The following MAF variants were observed in gnomAD, a reference collection of about 807,000 sequenced individuals.
The protein encoded by MAF is transcription factor Maf.
A neutral mutation model predicts 22.0 loss-of-function variants in MAF; 10 were observed. That is an observed-to-expected ratio of 0.45 (90% confidence interval 0.28 to 0.77). MAF has a LOEUF of 0.77. MAF is among the 30% of genes least tolerant of loss of function. The pLI, the probability that MAF is intolerant of heterozygous loss-of-function variation, is 0.12. For synonymous variants in MAF, 337 were observed against 255.8 expected, an observed-to-expected ratio of 1.32 and a Z score of -3.03; for missense variants, 544 against 548.4, an observed-to-expected ratio of 0.99 and a Z score of 0.08.
chr16:79,487,511 G>A, the MAF span, among the ~76,000 whole-genome samples: 1,541 of 152,084 alleles, frequency 0.01, 19 homozygotes, highest in African/African-American at 0.032. Context: ...TTGAAAGAAG[G>A]CATTTTTTCT....
the MAF span, chr16:79,206,085 C>G: frequency 1.3e-5 from 2 of 152,074 alleles, no homozygotes; most frequent in Non-Finnish European, 2.9e-5. Flanking sequence ...TTTGTTCATC[C>G]AAATGGATAT....
chr16:79,545,259 C>G, the MAF span, among the ~76,000 whole-genome samples: 2 of 152,136 alleles, frequency 1.3e-5, no homozygotes, highest in Admixed American at 1.3e-4. Context: ...ACCTCAACTT[C>G]CCGCAAATCA....
At chr16:79,447,891 C>CAAAAAAAAAAAAAAAAAAAAAAAAAA in the MAF span, among the ~76,000 whole-genome samples, 10 of 72,588 alleles carry the variant, frequency 1.4e-4, no homozygotes, top group African/African-American at 7.6e-4. Flanking sequence ...GATTCCATCT[C>CAAAAAAAAAAAAAAAAAAAAAAAAAA]AAAAAAAAAA....
chr16:79,529,961 C>CAAAAAA, the MAF span, among the ~76,000 whole-genome samples: 1 of 145,164 alleles, frequency 6.9e-6, no homozygotes. Context: ...AACTCCATCT[C>CAAAAAA]AAAAAAAAAA....
At chr16:79,497,359 C>T in the MAF span, among the ~76,000 whole-genome samples, 1 of 152,150 alleles carries the variant, frequency 6.6e-6, no homozygotes, top group African/African-American at 2.4e-5. Flanking sequence ...CCATGTATGC[C>T]CCTCAACTCT....
the MAF span, among the ~76,000 whole-genome samples, chr16:79,395,584 C>T: frequency 6.6e-6 from 1 of 152,064 alleles, no homozygotes; most frequent in South Asian, 2.1e-4. Flanking sequence ...GAGGTTGGAG[C>T]ATCGCATCTG....
chr16:79,433,816 T>A, the MAF span, among the ~76,000 whole-genome samples: 1 of 152,168 alleles, frequency 6.6e-6, no homozygotes, highest in African/African-American at 2.4e-5. Context: ...CTACGTTTGA[T>A]TAAAAATCCA....
the MAF span, among the ~76,000 whole-genome samples, chr16:79,437,546 C>G: frequency 6.6e-6 from 1 of 152,242 alleles, no homozygotes; most frequent in East Asian, 1.9e-4. Context: ...GTACCCAGAG[C>G]CAGCCACTGC....
the MAF span, among the ~76,000 whole-genome samples, chr16:79,382,418 A>C: frequency 5.3e-5 from 8 of 152,238 alleles, no homozygotes; most frequent in Non-Finnish European, 8.8e-5. Context: ...TGGGCTGTCC[A>C]GTATGGTAAC....
At chr16:79,524,242 A>C in the MAF span, among the ~76,000 whole-genome samples, 2 of 152,180 alleles carry the variant, frequency 1.3e-5, no homozygotes, top group African/African-American at 4.8e-5. Context: ...ACCCTTCCGC[A>C]GGGGGAGTTA....
chr16:79,256,676 T>C, the MAF span, among the ~76,000 whole-genome samples: 1 of 152,194 alleles, frequency 6.6e-6, no homozygotes, highest in African/African-American at 2.4e-5. Flanking sequence ...CCATCCTTTC[T>C]GAGTTCCAGA....
the MAF span, chr16:79,211,572 TA>T: frequency 6.2e-7 from 1 of 1,614,036 alleles, no homozygotes; most frequent in South Asian, 1.1e-5. Flanking sequence ...CTCCTTTTCT[TA>T]AAATTTTTTT....
At chr16:79,299,535 T>C in the MAF span, among the ~76,000 whole-genome samples, 1,719 of 152,202 alleles carry the variant, frequency 0.011, 34 homozygotes, top group African/African-American at 0.039. Flanking sequence ...GGAAACTCAA[T>C]TGACGGTTAC....
chr16:79,292,044 G>T, the MAF span, among the ~76,000 whole-genome samples: 2 of 151,832 alleles, frequency 1.3e-5, no homozygotes, highest in East Asian at 1.9e-4. Context: ...CATCTTAAAG[G>T]TATATATACC....
chr16:79,267,814 G>C, the MAF span, among the ~76,000 whole-genome samples: 1 of 152,134 alleles, frequency 6.6e-6, no homozygotes, highest in Non-Finnish European at 1.5e-5. Flanking sequence ...AGGGGACAAG[G>C]GTCTGGAGGG....
the MAF span, among the ~76,000 whole-genome samples, chr16:79,569,345 T>C: frequency 2.6e-5 from 4 of 152,182 alleles, no homozygotes; most frequent in Admixed American, 2.6e-4. Flanking sequence ...AGGAGCAGCA[T>C]CCTCCAGTTG....
chr16:79,369,953 C>A, the MAF span, among the ~76,000 whole-genome samples: 1 of 152,228 alleles, frequency 6.6e-6, no homozygotes, highest in Non-Finnish European at 1.5e-5. Context: ...GGGCCTCTCC[C>A]AACCTTCTGT....
the MAF span, among the ~76,000 whole-genome samples, chr16:79,389,731 CT>C: frequency 6.6e-6 from 1 of 152,006 alleles, no homozygotes; most frequent in Admixed American, 6.6e-5. Flanking sequence ...AATCCCAGCA[CT>C]TTGGGAGCCC....
the MAF span, among the ~76,000 whole-genome samples, chr16:79,373,298 C>A: frequency 7.2e-6 from 1 of 139,076 alleles, no homozygotes; most frequent in Admixed American, 7.5e-5. Flanking sequence ...AGGGCTCTGT[C>A]CTGTTAAATG....
Sources: allele counts gnomAD v4.1 joint callset (sites outside exome capture counted in the v4.1 genomes callset), GRCh38; gene constraint gnomAD v4.1.1; transcripts MANE v1.5; gene names NCBI Gene and HGNC (gene_info 2026-07-23, HGNC 2026-07-21).